The following PHRF1 variants were observed in gnomAD, a reference collection of about 807,000 sequenced individuals.
PHRF1 encodes PHD and RING finger domain-containing protein 1.
In PHRF1, 53 loss-of-function variants were observed where a neutral mutation model predicts 128.9. The ratio of observed to expected loss-of-function variants is 0.41; its 90% CI spans 0.33 to 0.52. The LOEUF is 0.52. Ranked by LOEUF, PHRF1 falls within the 20% of genes least tolerant of loss-of-function variation. PHRF1 has a pLI of 0.21. For synonymous variants in PHRF1, 1,178 were observed against 980.6 expected, an observed-to-expected ratio of 1.20 and a Z score of -3.76; for missense variants, 2,503 against 2,284.5, an observed-to-expected ratio of 1.10 and a Z score of -1.95.
intron 1 of PHRF1, among the ~76,000 whole-genome samples, chr11:577,956 A>G (rs918777398): frequency 4.6e-5 from 7 of 152,256 alleles, no homozygotes; most frequent in Non-Finnish European, 7.3e-5. Flanking sequence ...GGAGAGTCAC[A>G]GTGGTTCCTC....
At chr11:578,651 G>A (rs1170097642) in intron 1 of PHRF1, among the ~76,000 whole-genome samples, 2 of 152,172 alleles carry the variant, frequency 1.3e-5, no homozygotes, top group Non-Finnish European at 2.9e-5. Context: ...CTGCAGCCTC[G>A]AACTCCTGAG....
chr11:579,559 C>T (rs1240270413), intron 1 of PHRF1, among the ~76,000 whole-genome samples: 1 of 152,166 alleles, frequency 6.6e-6, no homozygotes, highest in African/African-American at 2.4e-5. Flanking sequence ...CTGGATGGGC[C>T]GTGGCCCTCG....
chr11:582,487 C>A (rs535170522), intron 3 of PHRF1, among the ~76,000 whole-genome samples: 2 of 151,824 alleles, frequency 1.3e-5, no homozygotes, highest in Non-Finnish European at 2.9e-5. Context: ...TGGAACTCTT[C>A]CTGACCTCAA....
intron 3 of PHRF1, among the ~76,000 whole-genome samples, chr11:586,171 C>G (rs1266331489): frequency 6.6e-6 from 1 of 152,016 alleles, no homozygotes; most frequent in Non-Finnish European, 1.5e-5. Context: ...ATTTTTTGTA[C>G]TTTTAGTAGA....
rs749782320 is a variant in PHRF1 at position 610,314 on chromosome 11, G to A, written c.4383G>A (p.Pro1461=). The A allele has an allele frequency of 3.7e-5, 58 of 1,565,378 alleles. No individual in the cohort carries two copies. Among genetic ancestry groups the A allele is most frequent in the Middle Eastern group, 1.7e-4 (1 of 6,024 alleles). ...TGCCCTTTCCCAGTCACGTGCTTCC[G>A]GAACCCGGGTTCCCAGACACAGACC... is the stretch of plus-strand genomic sequence containing the variant. ...SELPFPSHVL[P]EPGFPDTDPS... Residue 1461 remains proline, a synonymous_variant, in exon 15 of 18, where the codon CCG becomes CCA. Transcript: ENST00000264555.
chr11:609,439 A>C lies in PHRF1; in HGVS notation c.3983A>C (p.Asp1328Ala). 6.2e-7 allele frequency: 1 copy of C among 1,607,736 alleles called. No homozygotes were observed. Among genetic ancestry groups the C allele is most frequent in the Non-Finnish European group, 8.5e-7 (1 of 1,179,746 alleles). ...AIQREVSLMH[D>A]EDPSQPPPLP... is the part of the protein sequence containing the mutation. ...CAGAGGGAGGTGTCATTGATGCACG[A>C]TGAAGACCCTTCGCAGCCCCCACCC... Residue 1328 changes from aspartate (D) to alanine (A), a missense_variant, in exon 14 of 18, where the codon GAT (aspartate) becomes GCT (alanine). Coordinates refer to ENST00000264555, the MANE Select transcript of PHRF1 (RefSeq NM_001286581.2).
Position 608,540 on chromosome 11 carries a change from G to C in PHRF1, c.3084G>C (p.Arg1028Ser). ...GGACGCGCTCTGAATCCAGGGACAG[G>C]AGCTCGAGGTCAGCGTCACCATCAG... ...RSGTRSESRD[R>S]SSRSASPSVG... The change falls in exon 14 of 18, where the codon AGG (arginine) becomes AGC (serine). Residue 1028 changes from arginine to serine, a missense_variant. Physicochemically the swap from Arg to Ser is moderately radical, Grantham distance 110. Coordinates refer to ENST00000264555, the MANE Select transcript of PHRF1 (RefSeq NM_001286581.2). The C allele has an allele frequency of 6.2e-7, 1 of 1,612,302 alleles. No individual in the cohort carries two copies. Among genetic ancestry groups the C allele is most frequent in the South Asian group, 1.1e-5 (1 of 91,064 alleles).
rs1393478775 is a variant in PHRF1 at position 597,188 on chromosome 11, G to A, written c.718+168G>A. On this transcript the variant is annotated intron_variant, in intron 7 of 17. Transcript: ENST00000264555. The surrounding 1 kb of genome is among the most constrained non-coding windows in gnomAD (Gnocchi z 6.5). ...GGACATCTAGGGCTGTCTCGGGCTC[G>A]TCTTCTCGGGGATGTGTGTGGGGTC... Among the ~76,000 whole-genome samples, 2 of 151,910 alleles carry A rather than the reference G, an allele frequency of 1.3e-5. No homozygotes were observed. Among genetic ancestry groups the A allele is most frequent in the African/African-American group, 4.8e-5 (2 of 41,346 alleles).
intron 5 of PHRF1, 79 bp from the exon 6 acceptor site, chr11:592,480 G>T: frequency 4.2e-6 from 6 of 1,413,300 alleles, no homozygotes; most frequent in Non-Finnish European, 6.0e-6. Context: ...GTGGATTCTG[G>T]ATTAACTGCG....
intron 1 of PHRF1, among the ~76,000 whole-genome samples, chr11:580,360 A>G (rs534560731): frequency 6.6e-6 from 1 of 152,304 alleles, no homozygotes; most frequent in Non-Finnish European, 1.5e-5. Context: ...GTGTGGTTTC[A>G]CAGTGACCTT....
chr11:593,963 G>A (rs1265444876), intron 6 of PHRF1, among the ~76,000 whole-genome samples: 6 of 152,160 alleles, frequency 3.9e-5, no homozygotes, highest in Non-Finnish European at 5.9e-5. Context: ...CAGTTGCCCC[G>A]GCAGGCACTG....
Position 598,450 on chromosome 11 carries a change from G to T in PHRF1, c.972G>T (p.Val324=), listed in dbSNP as rs759447281. The change falls in exon 9 of 18, where the codon GTG becomes GTT. Residue 324 remains valine (V), a synonymous_variant. Coordinates refer to ENST00000264555, the MANE Select transcript of PHRF1 (RefSeq NM_001286581.2). ...EAVATGLSTA[V]YQRPLTPRTP... ...TGGCGACTGGCCTGAGCACTGCCGT[G>T]TATCAGCGCCCCCTGACGCCGCGCA... 1 of 1,611,168 alleles carries T rather than the reference G, an allele frequency of 6.2e-7. No homozygotes were observed. The highest frequency in any genetic ancestry group is 2.2e-5 in the East Asian group (1 of 44,880).
rs184851891 is a variant in PHRF1, at chr11:603,191, G to A, written c.1152+1490G>A. Among the ~76,000 whole-genome samples the A allele has an allele frequency of 1.9e-3, 293 of 152,170 alleles. 2 individuals are homozygous for A. Among genetic ancestry groups the A allele is most frequent in the Non-Finnish European group, 2.3e-3 (159 of 68,006 alleles). ...CCACCTCAGCTTCCTGAGTAGCTGG[G>A]ACTACAGGCATAGCCCACCGTGCCC... On this transcript the variant is annotated intron_variant, in intron 10 of 17. Coordinates refer to ENST00000264555, the MANE Select transcript of PHRF1 (RefSeq NM_001286581.2).
rs555491602 is a variant in PHRF1 at position 609,221 on chromosome 11, C to A, written c.3765C>A (p.Asp1255Glu). ...AGGTGGCAGCTGAGTGTGAGCCGGA[C>A]GACCTGGACCTGGATTATGGCGACT... ...VLEVAAECEP[D>E]DLDLDYGDSV... The change falls in exon 14 of 18, where the codon GAC (aspartate) becomes GAA (glutamate). Residue 1255 changes from aspartate to glutamate, a missense_variant. By Grantham distance (45) the Asp-to-Glu change is conservative (BLOSUM62 2). Transcript: ENST00000264555. The A allele has an allele frequency of 6.2e-7, 1 of 1,610,026 alleles. No homozygotes were observed.
Position 608,146 on chromosome 11 carries a change from G to C in PHRF1, c.2690G>C (p.Gly897Ala), listed in dbSNP as rs1260866024. The C allele has an allele frequency of 6.2e-7, 1 of 1,611,194 alleles. No individual in the cohort carries two copies. Among genetic ancestry groups the C allele is most frequent in the African/African-American group, 1.3e-5 (1 of 74,930 alleles). ...IFGTEPEPPL[G>A]PSSAMSKLRG... is the part of the protein sequence containing the mutation. ...GGTACAGAGCCCGAACCCCCTCTCG[G>C]ACCGTCCTCCGCCATGTCCAAGCTC... The change falls in exon 14 of 18, where the codon GGA (glycine) becomes GCA (alanine). Residue 897 changes from glycine (G) to alanine (A), a missense_variant. Coordinates refer to ENST00000264555, the MANE Select transcript of PHRF1 (RefSeq NM_001286581.2).
At chr11:603,740 T>G (rs1054172182) in intron 10 of PHRF1, among the ~76,000 whole-genome samples, 4 of 147,084 alleles carry the variant, frequency 2.7e-5, no homozygotes, top group Non-Finnish European at 3.0e-5. Flanking sequence ...TTTTTTTTTT[T>G]TTTTTTTTTT....
intron 4 of PHRF1, 36 bp downstream of exon 4, chr11:587,500 A>G: frequency 6.2e-7 from 1 of 1,603,212 alleles, no homozygotes; most frequent in Non-Finnish European, 8.5e-7. Flanking sequence ...TCCTCCCTTC[A>G]GGATGGCCTC....
chr11:586,080 C>G lies in PHRF1; in HGVS notation c.215-1179C>G, dbSNP rs368805766. ...TTCACCATGTTGGCCAGGCTGGTCT[C>G]AAACCCCTGACCTCAGGTGATCCAC... On this transcript the variant is annotated intron_variant, in intron 3 of 17. Transcript: ENST00000264555. Among the ~76,000 whole-genome samples, 29 of 152,276 alleles carry G rather than the reference C, an allele frequency of 1.9e-4. 1 individual carries two copies. In the East Asian group the frequency reaches 2.5e-3, roughly 13 times the overall value.
At chr11:589,099 G>A (rs1445201893) in intron 4 of PHRF1, among the ~76,000 whole-genome samples, 1 of 151,270 alleles carries the variant, frequency 6.6e-6, no homozygotes, top group Non-Finnish European at 1.5e-5. Context: ...TTGCACCACT[G>A]CACTCCAGCC....
Sources: allele counts gnomAD v4.1 joint callset (sites outside exome capture counted in the v4.1 genomes callset), GRCh38; gene constraint gnomAD v4.1.1; non-coding constraint Gnocchi (gnomAD v3.1); transcripts MANE v1.5; gene names NCBI Gene and HGNC (gene_info 2026-07-23, HGNC 2026-07-21).